NPC1: variants seen among roughly 807,000 people sequenced by gnomAD.
The protein encoded by NPC1 is NPC intracellular cholesterol transporter 1.
NPC1 carries 85 observed loss-of-function variants against 140.4 expected under a neutral mutation model. That is an observed-to-expected ratio of 0.61 (90% confidence interval 0.51 to 0.72). The LOEUF is 0.72. Ranked by LOEUF, NPC1 falls within the 30% of genes least tolerant of loss-of-function variation. The pLI is 0.00. For missense variants in NPC1, 1,504 were observed against 1,623.8 expected, an observed-to-expected ratio of 0.93 and a Z score of 1.27; for synonymous variants, 656 against 624.8, an observed-to-expected ratio of 1.05 and a Z score of -0.74.
At chr18:23,575,135 G>A (rs572817780) in intron 1 of NPC1, among the ~76,000 whole-genome samples, 2 of 152,356 alleles carry the variant, frequency 1.3e-5, no homozygotes, top group South Asian at 2.1e-4. Flanking sequence ...CACAGGAGCA[G>A]GAGTGACAAG....
intron 11 of NPC1, among the ~76,000 whole-genome samples, chr18:23,545,553 T>C (rs1220522125): frequency 6.6e-6 from 1 of 152,228 alleles, no homozygotes; most frequent in Non-Finnish European, 1.5e-5. Context: ...TCAAAGGCCA[T>C]GTTTTCTTAA....
intron 20 of NPC1, among the ~76,000 whole-genome samples, chr18:23,537,493 C>G (rs748766258): frequency 5.3e-5 from 8 of 152,324 alleles, no homozygotes; most frequent in South Asian, 2.1e-4. Flanking sequence ...TAATAGGAAG[C>G]AGGAAAGGGC....
Position 23,538,680 on chromosome 18 carries a change from G to C in NPC1, c.2912-9C>G. On this transcript the variant is annotated splice_polypyrimidine_tract_variant and intron_variant, in intron 19 of 24. Transcript: ENST00000269228. ...GCAGGCAGGGTCAACCACTGGCGGAGACATGCAGGGAGGACTGTTAGAAGA... is the reference window on the plus strand; with the variant it reads ...GCAGGCAGGGTCAACCACTGGCGGACACATGCAGGGAGGACTGTTAGAAGA... 1 of 1,613,902 alleles carries C rather than the reference G, an allele frequency of 6.2e-7. No individual in the cohort carries two copies. Among genetic ancestry groups the C allele is most frequent in the Non-Finnish European group, 8.5e-7 (1 of 1,180,020 alleles).
At position 23,534,290 on chromosome 18, in the gene NPC1, G is replaced by T. The variant is rs189877993; in HGVS notation, c.3591+156C>A. 9.2e-4 allele frequency: 639 copies of T among 698,296 alleles called. 7 individuals carry two copies. The East Asian group carries it at 0.016, about 18-fold the overall frequency. The allele number at this position is 698,296 out of a possible 1,614,324, so 43.3% of individuals were successfully genotyped here. ...ACAGGTACAGTTCCACAGAACGTCCGTTCTGTCCACGATGTGGCAGCTAAT... is the reference window on the plus strand; with the variant it reads ...ACAGGTACAGTTCCACAGAACGTCCTTTCTGTCCACGATGTGGCAGCTAAT... On this transcript the variant is annotated intron_variant, in intron 23 of 24. Coordinates refer to ENST00000269228, the MANE Select transcript of NPC1 (RefSeq NM_000271.5).
chr18:23,540,513 A>G lies in NPC1; in HGVS notation c.2539T>C (p.Ser847Pro). ...TTGTTCAGGACTGCGATGCTGAATGACAGAACACCCACAAATATTGCTATC... is the reference window on the plus strand; with the variant it reads ...TTGTTCAGGACTGCGATGCTGAATGGCAGAACACCCACAAATATTGCTATC... Reference protein sequence around the residue: ...IVIAIFVGVLSFSIAVLNKVD... With the variant: ...IVIAIFVGVLPFSIAVLNKVD... The change falls in exon 17 of 25, where the codon TCA becomes CCA. Residue 847 changes from serine (S) to proline (P), a missense_variant. Coordinates refer to ENST00000269228, the MANE Select transcript of NPC1 (RefSeq NM_000271.5). 1 of 1,613,054 alleles carries G rather than the reference A, an allele frequency of 6.2e-7. No individual in the cohort carries two copies. The highest frequency in any genetic ancestry group is 8.5e-7 in the Non-Finnish European group (1 of 1,179,022).
At chr18:23,517,331 G>A (rs1183935741), downstream of NPC1, among the ~76,000 whole-genome samples, 1 of 151,856 alleles carries the variant, frequency 6.6e-6, no homozygotes, top group Admixed American at 6.6e-5. Flanking sequence ...TGTATTTTTA[G>A]TAGAGACAGG....
chr18:23,539,895 C>T lies in NPC1; in HGVS notation c.2711G>A (p.Gly904Glu). 6.2e-7 allele frequency: 1 copy of T among 1,614,114 alleles called. No homozygotes were observed. The highest frequency in any genetic ancestry group is 8.5e-7 in the Non-Finnish European group (1 of 1,179,998). Residue 904 changes from glycine to glutamate, a missense_variant, in exon 18 of 25, where the codon GGG (glycine) becomes GAG (glutamate). Gly to Glu is a moderately conservative substitution (Grantham distance 98). Coordinates refer to ENST00000269228, the MANE Select transcript of NPC1 (RefSeq NM_000271.5). ...EEGHDYTSSK[G>E]QNMVCGGMGC... is the part of the protein sequence containing the mutation. The stretch of plus-strand genomic sequence containing the variant: ...CATGCCGCCGCACACCATGTTCTGC[C>T]CCTTGGAAGAAGTGTAGTCGTGCCC...
chr18:23,573,080 C>T (rs536567372), intron 2 of NPC1, among the ~76,000 whole-genome samples: 2 of 152,258 alleles, frequency 1.3e-5, no homozygotes, highest in East Asian at 1.9e-4. Flanking sequence ...GGGACAAGGA[C>T]GTCAAAGCCA....
chr18:23,567,649 T>C (rs2059145041), intron 4 of NPC1, among the ~76,000 whole-genome samples: 1 of 152,244 alleles, frequency 6.6e-6, no homozygotes, highest in Non-Finnish European at 1.5e-5. Context: ...TGTTCTTATA[T>C]GGGTCTCCAG....
intron 20 of NPC1, among the ~76,000 whole-genome samples, chr18:23,537,905 A>T (rs550789586): frequency 6.6e-6 from 1 of 152,206 alleles, no homozygotes; most frequent in Non-Finnish European, 1.5e-5. Flanking sequence ...GTATGTTCTT[A>T]TGAAAAACCT....
intron 3 of NPC1, among the ~76,000 whole-genome samples, chr18:23,510,770 A>G (rs1293119499): frequency 6.6e-6 from 1 of 152,258 alleles, no homozygotes; most frequent in Non-Finnish European, 1.5e-5. Flanking sequence ...CAAAACCACA[A>G]TGAGAAACTA....
intron 9 of NPC1, among the ~76,000 whole-genome samples, chr18:23,553,322 T>G (rs1166551802): frequency 3.9e-5 from 6 of 152,220 alleles, no homozygotes; most frequent in Non-Finnish European, 8.8e-5. Context: ...TGTTTTTTGT[T>G]TCTTCAAATT....
At chr18:23,532,417 C>G in intron 24 of NPC1, 133 bp from the exon 25 acceptor site, 1 of 921,774 alleles carries the variant, frequency 1.1e-6, no homozygotes, top group Non-Finnish European at 1.8e-6. Flanking sequence ...GCCTGGACAA[C>G]AGAGTGAGAC....
chr18:23,544,364 T>A lies in NPC1; in HGVS notation c.2110A>T (p.Ile704Phe), dbSNP rs1217878378. 6.2e-7 allele frequency: 1 copy of A among 1,614,140 alleles called. No individual in the cohort carries two copies. The highest frequency in any genetic ancestry group is 1.3e-5 in the African/African-American group (1 of 75,030). Residue 704 changes from isoleucine (I) to phenylalanine (F), a missense_variant, in exon 13 of 25, where the codon ATT (isoleucine) becomes TTT (phenylalanine). By Grantham distance (21) the Ile-to-Phe change is conservative (BLOSUM62 0). Transcript: ENST00000269228. ...TATACCTGGTAGGCCTGCACCAGAA[T>A]GAAGATGTTGTCCACTCCAACAGCC... Reference protein sequence around the residue: ...VLAVGVDNIFILVQAYQRDER... With the variant: ...VLAVGVDNIFFLVQAYQRDER...
chr18:23,579,657 G>C (rs551362977), intron 1 of NPC1, among the ~76,000 whole-genome samples: 1 of 152,062 alleles, frequency 6.6e-6, no homozygotes, highest in African/African-American at 2.4e-5. Flanking sequence ...TTGGGAGGCC[G>C]AGGTGGGCAG....
intron 3 of NPC1, among the ~76,000 whole-genome samples, chr18:23,514,894 C>A (rs1426130479): frequency 6.6e-6 from 1 of 152,188 alleles, no homozygotes; most frequent in Non-Finnish European, 1.5e-5. Context: ...GTACCATGAG[C>A]ATTAATGTCT....
chr18:23,577,548 A>G (rs2059302185), intron 1 of NPC1, among the ~76,000 whole-genome samples: 1 of 152,200 alleles, frequency 6.6e-6, no homozygotes, highest in Non-Finnish European at 1.5e-5. Context: ...CACCAGACTC[A>G]GAAGCCCAGC....
At chr18:23,532,440 CCT>C (rs1393171886) in intron 24 of NPC1, among the ~76,000 whole-genome samples, 156 bp from the exon 25 acceptor site, 3 of 152,148 alleles carry the variant, frequency 2.0e-5, no homozygotes, top group Non-Finnish European at 2.9e-5. Flanking sequence ...CATCTCTCTC[CCT>C]CTCTTTTGGA....
downstream of NPC1, among the ~76,000 whole-genome samples, chr18:23,524,853 G>A (rs1372526585): frequency 2.0e-5 from 3 of 151,590 alleles, no homozygotes; most frequent in African/African-American, 7.3e-5. Flanking sequence ...ATGAGCCCGG[G>A]AGGTGTGCTC....
Sources: allele counts gnomAD v4.1 joint callset (sites outside exome capture counted in the v4.1 genomes callset), GRCh38; gene constraint gnomAD v4.1.1; transcripts MANE v1.5; gene names NCBI Gene and HGNC (gene_info 2026-07-23, HGNC 2026-07-21).